The following SCFD2 variants were observed in gnomAD, a reference collection of about 807,000 sequenced individuals.
SCFD2 encodes the protein sec1 family domain-containing protein 2.
A neutral mutation model predicts 58.9 loss-of-function variants in SCFD2; 54 were observed. The observed-to-expected ratio is 0.92, with a 90% CI of 0.74 to 1.15. The LOEUF is 1.15. SCFD2 is among the 50% of genes most tolerant of loss of function. The pLI is 0.00. For synonymous variants in SCFD2, 321 were observed against 335.9 expected (o/e 0.96, Z 0.49); for missense variants, 805 against 836.6 (o/e 0.96, Z 0.47).
chr4:52,992,053 C>G (rs1230008159), intron 5 of SCFD2, among the ~76,000 whole-genome samples: 1 of 152,076 alleles, frequency 6.6e-6, no homozygotes, highest in East Asian at 1.9e-4. Flanking sequence ...TCTCCCTCTC[C>G]CCACGGTCTC....
Position 53,344,300 on chromosome 4 carries a change from C to T in SCFD2, c.1007+8298G>A, listed in dbSNP as rs185165532. On this transcript the variant is annotated intron_variant, in intron 2 of 8. Transcript: ENST00000401642. ...AAAAATCACAAGCATTTCTATGCACCGATAACAGACAAACTGAGAGCCAAA... is the reference window on the plus strand; with the variant it reads ...AAAAATCACAAGCATTTCTATGCACTGATAACAGACAAACTGAGAGCCAAA... Among the ~76,000 whole-genome samples, 10 of 152,144 alleles carry T rather than the reference C, an allele frequency of 6.6e-5. No individual in the cohort carries two copies. In the South Asian group the frequency reaches 1.5e-3, roughly 22 times the overall value.
At chr4:53,138,452 T>C (rs1219446922) in intron 5 of SCFD2, among the ~76,000 whole-genome samples, 1 of 152,240 alleles carries the variant, frequency 6.6e-6, no homozygotes, top group East Asian at 1.9e-4. Flanking sequence ...TGTTTTCTCT[T>C]GTGACTGCCA....
At chr4:52,956,558 C>T in intron 5 of SCFD2, 1 of 238,524 alleles carries the variant, frequency 4.2e-6, no homozygotes, top group Non-Finnish European at 8.4e-6. Context: ...CAGATTGGTG[C>T]CTTCCTTGCA....
At chr4:53,108,805 C>T (rs902909636) in intron 5 of SCFD2, among the ~76,000 whole-genome samples, 3 of 152,186 alleles carry the variant, frequency 2.0e-5, no homozygotes, top group African/African-American at 7.2e-5. Flanking sequence ...GGAGCTGGCA[C>T]CATTCCTTCT....
At chr4:53,163,802 A>C (rs150480423) in intron 4 of SCFD2, among the ~76,000 whole-genome samples, 97 of 152,280 alleles carry the variant, frequency 6.4e-4, no homozygotes, top group African/African-American at 2.2e-3. Context: ...TTAACGGTTA[A>C]ATTTCTGGCT....
At chr4:53,100,908 T>A (rs575883360) in intron 5 of SCFD2, among the ~76,000 whole-genome samples, 1 of 152,294 alleles carries the variant, frequency 6.6e-6, no homozygotes, top group East Asian at 1.9e-4. Flanking sequence ...AATTTTTGCA[T>A]AAATAATCAC....
intron 7 of SCFD2, among the ~76,000 whole-genome samples, chr4:52,892,213 C>G (rs949131699): frequency 3.9e-5 from 6 of 152,212 alleles, no homozygotes; most frequent in African/African-American, 1.4e-4. Flanking sequence ...ACAGCCTCCA[C>G]TCATTTACGG....
intron 5 of SCFD2, among the ~76,000 whole-genome samples, chr4:53,113,066 AC>A (rs1725216786): frequency 6.6e-6 from 1 of 152,102 alleles, no homozygotes; most frequent in Non-Finnish European, 1.5e-5. Context: ...TGTTTACTCT[AC>A]CACGTTAGTC....
Position 53,334,266 on chromosome 4 carries a change from A to T in SCFD2, c.1007+18332T>A, listed in dbSNP as rs77291327. Among the ~76,000 whole-genome samples the T allele has an allele frequency of 7.9e-4, 120 of 152,220 alleles. 2 individuals carry two copies. The East Asian group carries it at 0.016, about 21-fold the overall frequency. On this transcript the variant is annotated intron_variant, in intron 2 of 8. Coordinates refer to ENST00000401642, the MANE Select transcript of SCFD2 (RefSeq NM_152540.4). ...CCATTACTGGGTATATACCCAAAGGACTATAAATCTTGCTGCTATAAAGAC... is the reference window on the plus strand; with the variant it reads ...CCATTACTGGGTATATACCCAAAGGTCTATAAATCTTGCTGCTATAAAGAC...
chr4:53,256,140 C>T (rs1281263427), intron 4 of SCFD2, among the ~76,000 whole-genome samples: 14 of 151,024 alleles, frequency 9.3e-5, no homozygotes, highest in African/African-American at 2.9e-4. Flanking sequence ...GGGTGGCTGC[C>T]GGACGGAGGG....
At chr4:53,136,339 T>A (rs1725940807) in intron 5 of SCFD2, among the ~76,000 whole-genome samples, 1 of 152,314 alleles carries the variant, frequency 6.6e-6, no homozygotes, top group East Asian at 1.9e-4. Context: ...ATTAACCTTG[T>A]TGTCCTCATG....
intron 5 of SCFD2, among the ~76,000 whole-genome samples, chr4:52,959,303 C>T (rs781362142): frequency 6.6e-6 from 1 of 152,100 alleles, no homozygotes; most frequent in Non-Finnish European, 1.5e-5. Flanking sequence ...TGGGTCAGTG[C>T]TCCTCAAAGA....
chr4:53,104,285 C>G (rs902414278), intron 5 of SCFD2, among the ~76,000 whole-genome samples: 2 of 152,160 alleles, frequency 1.3e-5, no homozygotes, highest in Non-Finnish European at 2.9e-5. Context: ...GAAAATGACA[C>G]TTTACCTCTG....
intron 2 of SCFD2, among the ~76,000 whole-genome samples, chr4:53,315,246 C>CA (rs72060767): frequency 0.032 from 2,565 of 79,452 alleles, 42 homozygotes; most frequent in African/African-American, 0.071. Flanking sequence ...AGGAAAATGG[C>CA]AAAAAAAAAA....
intron 3 of SCFD2, among the ~76,000 whole-genome samples, chr4:53,307,398 A>G (rs1458986721): frequency 6.6e-6 from 1 of 152,224 alleles, no homozygotes; most frequent in Non-Finnish European, 1.5e-5. Context: ...CTCTGTAGAC[A>G]CTACCTCCCC....
At chr4:53,200,453 T>C (rs1007944393) in intron 4 of SCFD2, among the ~76,000 whole-genome samples, 1 of 152,116 alleles carries the variant, frequency 6.6e-6, no homozygotes, top group Non-Finnish European at 1.5e-5. Flanking sequence ...AGATTTCAAA[T>C]GAAAAAAATT....
chr4:53,338,739 C>G (rs539392325), intron 2 of SCFD2, among the ~76,000 whole-genome samples: 1 of 151,554 alleles, frequency 6.6e-6, no homozygotes, highest in East Asian at 1.9e-4. Flanking sequence ...CGCCACTACG[C>G]CCGGCTAATT....
chr4:53,117,214 G>C (rs1027358379), intron 5 of SCFD2, among the ~76,000 whole-genome samples: 3 of 152,118 alleles, frequency 2.0e-5, no homozygotes, highest in African/African-American at 7.2e-5. Context: ...GCACAAGAGG[G>C]GCCACATTTT....
At chr4:53,092,296 A>G (rs1724494783) in intron 5 of SCFD2, among the ~76,000 whole-genome samples, 1 of 152,170 alleles carries the variant, frequency 6.6e-6, no homozygotes, top group East Asian at 1.9e-4. Context: ...AACATCTTGT[A>G]AGAAAAAAAT....
Sources: gnomAD v4.1 joint callset for allele counts (sites outside exome capture counted in the v4.1 genomes callset) on GRCh38, gnomAD v4.1.1 for gene constraint, MANE v1.5 for transcripts, NCBI Gene and HGNC (gene_info 2026-07-23, HGNC 2026-07-21) for gene names.